Variants in TENM2 observed in about 807,000 individuals in gnomAD.
TENM2 encodes the protein teneurin-2.
TENM2 carries 52 observed loss-of-function variants against 245.2 expected under a neutral mutation model. That is an observed-to-expected ratio of 0.21 (90% confidence interval 0.17 to 0.27). The LOEUF is 0.27. Among genes scored for constraint, TENM2 ranks in the 10% least tolerant of loss-of-function variants. The pLI is 1.00. For missense variants in TENM2, 3,046 were observed against 3,666.8 expected (o/e 0.83, Z 4.37); for synonymous variants, 1,363 against 1,438.9 (o/e 0.95, Z 1.19).
intron 2 of TENM2, among the ~76,000 whole-genome samples, chr5:167,469,918 T>C (rs1292130416): frequency 6.6e-6 from 1 of 152,190 alleles, no homozygotes; most frequent in Non-Finnish European, 1.5e-5. Flanking sequence ...CATAATCTTA[T>C]AAATTTACCA....
At chr5:168,217,669 A>G (rs944484841) in intron 22 of TENM2, among the ~76,000 whole-genome samples, 2 of 152,220 alleles carry the variant, frequency 1.3e-5, no homozygotes, top group Admixed American at 6.5e-5. Context: ...CTTGGATCAG[A>G]GCCATCTTCC....
chr5:167,543,453 C>T (rs1772345321), intron 2 of TENM2, among the ~76,000 whole-genome samples: 1 of 152,076 alleles, frequency 6.6e-6, no homozygotes, highest in South Asian at 2.1e-4. Flanking sequence ...TTGTTCTGGC[C>T]ACCTTGGTAA....
At chr5:167,424,522 T>C (rs1763695678) in intron 2 of TENM2, among the ~76,000 whole-genome samples, 1 of 152,222 alleles carries the variant, frequency 6.6e-6, no homozygotes, top group Non-Finnish European at 1.5e-5. Flanking sequence ...ATAATAATTT[T>C]GCCGCAATCT....
intron 2 of TENM2, among the ~76,000 whole-genome samples, chr5:167,466,078 A>T (rs1462781448): frequency 6.6e-6 from 1 of 152,150 alleles, no homozygotes; most frequent in African/African-American, 2.4e-5. Context: ...GTCTGGCTTT[A>T]TCATCTACTC....
rs960758089 is a variant in TENM2, at chr5:167,510,759, G to A, written c.502+135286G>A. 3.3e-5 allele frequency among the ~76,000 whole-genome samples: 5 copies of A among 152,136 alleles called. No homozygotes were observed. The South Asian group carries it at 8.3e-4, about 25-fold the overall frequency. ...GTTGTTGTTTGTTTGTTTGGACTGG[G>A]GAACTCCACCTATGATTATATCTAC... is the stretch of plus-strand genomic sequence containing the variant. On this transcript the variant is annotated intron_variant, in intron 2 of 28. Transcript: ENST00000518659.
intron 12 of TENM2, among the ~76,000 whole-genome samples, chr5:168,145,613 G>A (rs1340899971): frequency 2.0e-5 from 3 of 151,984 alleles, no homozygotes; most frequent in East Asian, 1.9e-4. Flanking sequence ...GTCAGGTAGT[G>A]TGATGCCTCC....
chr5:167,050,022 A>C, the TENM2 span, among the ~76,000 whole-genome samples: 351 of 152,316 alleles, frequency 2.3e-3, 2 homozygotes, highest in African/African-American at 8.2e-3. Context: ...ATGTAGGATA[A>C]GAGTGTTCCA....
chr5:168,072,804 A>G (rs10053703), intron 7 of TENM2, among the ~76,000 whole-genome samples: 14,186 of 152,278 alleles, frequency 0.093, 762 homozygotes, highest in East Asian at 0.19. Flanking sequence ...CAATCAATCT[A>G]ACTGGCCTAC....
intron 2 of TENM2, among the ~76,000 whole-genome samples, chr5:167,640,905 A>ATC (rs1779567463): frequency 1.0e-5 from 1 of 98,842 alleles, no homozygotes; most frequent in Non-Finnish European, 2.1e-5. Context: ...ATATATATAT[A>ATC]TCTTTCTCTT....
intron 1 of TENM2, among the ~76,000 whole-genome samples, chr5:167,371,502 C>CA (rs200271595): frequency 0.031 from 4,678 of 151,934 alleles, 105 homozygotes; most frequent in South Asian, 0.052. Context: ...GCTGGGATGA[C>CA]AGCCATGCGC....
intron 15 of TENM2, among the ~76,000 whole-genome samples, chr5:168,198,182 T>A (rs796327454): frequency 5.3e-4 from 78 of 146,732 alleles, no homozygotes; most frequent in African/African-American, 1.9e-3. Flanking sequence ...TGTATGCCAA[T>A]GAACCCTTTT....
At chr5:167,942,262 T>C (rs1369824371) in intron 3 of TENM2, among the ~76,000 whole-genome samples, 1 of 152,160 alleles carries the variant, frequency 6.6e-6, no homozygotes, top group African/African-American at 2.4e-5. Context: ...AAATAAATGC[T>C]GACATTTCCT....
chr5:167,915,184 T>C (rs988914695), intron 3 of TENM2, among the ~76,000 whole-genome samples: 16 of 152,186 alleles, frequency 1.1e-4, no homozygotes, highest in African/African-American at 3.1e-4. Context: ...GAGATAGTTT[T>C]TCCCCAACCT....
intron 27 of TENM2, among the ~76,000 whole-genome samples, chr5:168,256,036 C>T (rs1362408852): frequency 6.6e-6 from 1 of 151,794 alleles, no homozygotes; most frequent in Non-Finnish European, 1.5e-5. Flanking sequence ...GAACTCCTGA[C>T]CTCGTGATCT....
At chr5:167,628,911 G>A (rs758340999) in intron 2 of TENM2, among the ~76,000 whole-genome samples, 4 of 151,992 alleles carry the variant, frequency 2.6e-5, no homozygotes, top group Non-Finnish European at 4.4e-5. Flanking sequence ...ATTGTTTTCC[G>A]AATACATTGG....
At chr5:167,129,027 T>C in the TENM2 span, among the ~76,000 whole-genome samples, 11 of 152,218 alleles carry the variant, frequency 7.2e-5, no homozygotes, top group African/African-American at 2.4e-4. Context: ...GTGTTGGTAT[T>C]TTTTAAGTCA....
intron 3 of TENM2, among the ~76,000 whole-genome samples, chr5:167,878,674 A>G (rs866081962): frequency 1.3e-5 from 2 of 152,072 alleles, no homozygotes; most frequent in Non-Finnish European, 2.9e-5. Flanking sequence ...TGCAGTTGTC[A>G]TGAATTTAAA....
At chr5:167,455,016 A>G (rs559366959) in intron 2 of TENM2, among the ~76,000 whole-genome samples, 1 of 152,352 alleles carries the variant, frequency 6.6e-6, no homozygotes, top group South Asian at 2.1e-4. Context: ...AAGAGAATTT[A>G]TTCTTTTGGC....
chr5:167,414,373 T>C (rs558310939), intron 2 of TENM2, among the ~76,000 whole-genome samples: 35 of 152,130 alleles, frequency 2.3e-4, no homozygotes, highest in Non-Finnish European at 5.0e-4. Flanking sequence ...ATCTTTACTG[T>C]AGAAGGATCT....
Sources: gnomAD v4.1 joint callset for allele counts (sites outside exome capture counted in the v4.1 genomes callset) on GRCh38, gnomAD v4.1.1 for gene constraint, MANE v1.5 for transcripts, NCBI Gene and HGNC (gene_info 2026-07-23, HGNC 2026-07-21) for gene names.